The following SOS2 variants were observed in gnomAD, a reference collection of about 807,000 sequenced individuals.
SOS2 encodes SOS Ras/Rho guanine nucleotide exchange factor 2, also known as son of sevenless homolog 2.
In SOS2, 65 loss-of-function variants were observed where a neutral mutation model predicts 148.2. The ratio of observed to expected loss-of-function variants is 0.44; its 90% CI spans 0.36 to 0.54. The LOEUF (loss-of-function observed/expected upper bound fraction) is 0.54, where lower values mean the gene tolerates loss of function less well. Among genes scored for constraint, SOS2 ranks in the 20% least tolerant of loss-of-function variants. The pLI is 0.00. For missense variants in SOS2, 1,341 were observed against 1,590.2 expected (o/e 0.84, Z 2.67); for synonymous variants, 539 against 537.1 (o/e 1.00, Z -0.05).
intron 7 of SOS2, among the ~76,000 whole-genome samples, chr14:50,175,849 T>C (rs1019865193): frequency 6.6e-6 from 1 of 152,190 alleles, no homozygotes; most frequent in African/African-American, 2.4e-5. Context: ...TCATAAATAT[T>C]ACCATAATTT....
chr14:50,145,588 T>G lies in SOS2; in HGVS notation c.2393A>C (p.Gln798Pro), dbSNP rs762498394. The change falls in exon 15 of 23, where the codon CAA becomes CCA. Residue 798 changes from glutamine (Q) to proline (P), a missense_variant. Physicochemically the swap from Gln to Pro is moderately conservative, Grantham distance 76. This residue lies in a region of SOS2 where 408 missense variants were observed against 506.6 expected (regional missense o/e 0.81). Transcript: ENST00000216373. ...CACACTCCCTACAAGTTCAGACGGTTGAACTTTCCTATGGAATTGAAAATC... is the reference window on the plus strand; with the variant it reads ...CACACTCCCTACAAGTTCAGACGGTGGAACTTTCCTATGGAATTGAAAATC... The part of the protein sequence containing the change: ...LLESDLYRKV[Q>P]PSELVGSVWT... 6.3e-7 allele frequency: 1 copy of G among 1,591,776 alleles called. No individual in the cohort carries two copies. Among genetic ancestry groups the G allele is most frequent in the Admixed American group, 1.8e-5 (1 of 54,112 alleles).
At chr14:50,224,366 T>C (rs185115044) in intron 1 of SOS2, among the ~76,000 whole-genome samples, 1,219 of 117,856 alleles carry the variant, frequency 0.01, 22 homozygotes, top group African/African-American at 0.028. Context: ...CACACACACA[T>C]ATATATAAAT....
chr14:50,218,333 G>C (rs1887098964), intron 1 of SOS2, among the ~76,000 whole-genome samples: 2 of 151,256 alleles, frequency 1.3e-5, no homozygotes. Context: ...GATCAGCCTG[G>C]GCAACATGGC....
intron 5 of SOS2, among the ~76,000 whole-genome samples, chr14:50,184,911 G>A (rs1885860026): frequency 6.8e-6 from 1 of 147,578 alleles, no homozygotes; most frequent in African/African-American, 2.5e-5. Context: ...AGAGGCTAGA[G>A]ATCAAGCTCC....
At chr14:50,130,335 C>A (rs1883826878) in intron 20 of SOS2, among the ~76,000 whole-genome samples, 166 bp downstream of exon 20, 1 of 152,176 alleles carries the variant, frequency 6.6e-6, no homozygotes, top group Non-Finnish European at 1.5e-5. Context: ...CAACAATGCA[C>A]AAATTATGCT....
intron 19 of SOS2, among the ~76,000 whole-genome samples, chr14:50,131,848 T>C (rs908658216): frequency 6.6e-6 from 1 of 152,176 alleles, no homozygotes; most frequent in East Asian, 1.9e-4. Context: ...ATCATCAACA[T>C]CAATTTCTGA....
intron 8 of SOS2, among the ~76,000 whole-genome samples, chr14:50,172,796 T>C (rs1220607312): frequency 1.3e-5 from 2 of 152,148 alleles, no homozygotes; most frequent in Non-Finnish European, 1.5e-5. Context: ...CTTACACAAT[T>C]TCCCTTGATC....
Position 50,174,496 on chromosome 14 carries a change from C to A in SOS2, c.1026G>T (p.Leu342=). The A allele has an allele frequency of 6.2e-7, 1 of 1,609,682 alleles. No homozygotes were observed. Among genetic ancestry groups the A allele is most frequent in the Non-Finnish European group, 8.5e-7 (1 of 1,177,212 alleles). ...AGTGCCAACAGTGATACACTGGCAC[C>A]AGCATAAGACGTGGAAGGACATAAC... The part of the protein sequence containing the change: ...AVRYVLPRLM[L]VPVYHCWHYF... Residue 342 remains leucine, a synonymous_variant, in exon 8 of 23, where the codon CTG becomes CTT. Transcript: ENST00000216373.
chr14:50,231,133 G>T, intron 1 of SOS2, 64 bp downstream of exon 1: 1 of 1,030,860 alleles, frequency 9.7e-7, no homozygotes, highest in Non-Finnish European at 1.3e-6. Context: ...GGGACGACCT[G>T]CTCCCCGTTA....
rs753590435 is a variant in SOS2 at position 50,133,242 on chromosome 14, C to CTTTTTTT, written c.3075+880_3075+881insAAAAAAA. On this transcript the variant is annotated intron_variant, in intron 19 of 22. Coordinates refer to ENST00000216373, the MANE Select transcript of SOS2 (RefSeq NM_006939.4). The stretch of plus-strand genomic sequence containing the variant: ...TTTCCATGAACTTTTTTTCTTTTTT[C>CTTTTTTT]TTTTTTCTTTTTTTTTTTTTTTGAG... Among the ~76,000 whole-genome samples the CTTTTTTT allele has an allele frequency of 1.7e-3, 137 of 78,782 alleles. 8 individuals carry two copies. The highest frequency in any genetic ancestry group is 2.3e-3 in the East Asian group (5 of 2,168). 51.7% of individuals were successfully genotyped at this position (78,782 alleles called of 152,430 possible). A position where few individuals can be genotyped will look rare whatever the true frequency, so the allele number is the denominator to read the frequency against.
chr14:50,157,684 C>T (rs1225234201), intron 11 of SOS2, among the ~76,000 whole-genome samples: 2 of 152,062 alleles, frequency 1.3e-5, no homozygotes, highest in Non-Finnish European at 2.9e-5. Context: ...CTGACTCAGT[C>T]TGGTAAATTT....
In SOS2 at chr14:50,204,295, G is replaced by C. The variant is rs1382054541; in HGVS notation, c.202C>G (p.Gln68Glu). The change falls in exon 2 of 23, where the codon CAA becomes GAA. Residue 68 changes from glutamine (Q) to glutamate (E), a missense_variant. Coordinates refer to ENST00000216373, the MANE Select transcript of SOS2 (RefSeq NM_006939.4). ...KLCMAQPRTV[Q>E]DVEERVQKTF... Reference sequence around the variant, plus strand: ...AAAATAATTTTTACCTCTACATCTTGAACAGTCCTTGGCTGGGCCATGCAT... The same window carrying C: ...AAAATAATTTTTACCTCTACATCTTCAACAGTCCTTGGCTGGGCCATGCAT... 1.3e-6 allele frequency: 2 copies of C among 1,584,850 alleles called. No individual in the cohort carries two copies. Among genetic ancestry groups the C allele is most frequent in the East Asian group, 2.3e-5 (1 of 44,222 alleles).
chr14:50,120,548 T>A (rs1762072475), intron 21 of SOS2, among the ~76,000 whole-genome samples, 164 bp from the exon 22 acceptor site: 1 of 152,152 alleles, frequency 6.6e-6, no homozygotes, highest in Non-Finnish European at 1.5e-5. Context: ...GGAGTGTGTA[T>A]TTATTTCTGT....
intron 13 of SOS2, among the ~76,000 whole-genome samples, chr14:50,152,139 T>C (rs1884678798): frequency 6.6e-6 from 1 of 152,106 alleles, no homozygotes; most frequent in Non-Finnish European, 1.5e-5. Flanking sequence ...TAAATAATAT[T>C]CCCCTTAAAG....
intron 1 of SOS2, among the ~76,000 whole-genome samples, chr14:50,205,875 G>C (rs1018148243): frequency 1.4e-5 from 2 of 145,946 alleles, no homozygotes; most frequent in Non-Finnish European, 3.0e-5. Context: ...AGCAGAGATC[G>C]CACCACTGCA....
intron 4 of SOS2, among the ~76,000 whole-genome samples, chr14:50,196,206 T>C (rs1886305354): frequency 6.6e-6 from 1 of 152,218 alleles, no homozygotes; most frequent in African/African-American, 2.4e-5. Flanking sequence ...GTAAGATTTA[T>C]TGCACAGTAT....
intron 6 of SOS2, among the ~76,000 whole-genome samples, chr14:50,181,922 A>G (rs1472608879): frequency 2.0e-5 from 3 of 152,046 alleles, no homozygotes; most frequent in African/African-American, 7.2e-5. Context: ...CTTTAAGTTT[A>G]AAATCCATAG....
chr14:50,196,470 T>A (rs188652351), intron 4 of SOS2, among the ~76,000 whole-genome samples: 6 of 152,280 alleles, frequency 3.9e-5, no homozygotes, highest in Admixed American at 3.3e-4. Context: ...CAACAAATTA[T>A]CGTTGACTGT....
intron 7 of SOS2, among the ~76,000 whole-genome samples, chr14:50,179,520 C>G (rs1242494871): frequency 6.6e-6 from 1 of 152,008 alleles, no homozygotes; most frequent in East Asian, 1.9e-4. Context: ...TGCACGCCAC[C>G]ACACTCGGCT....
Sources: gnomAD v4.1 joint callset for allele counts (sites outside exome capture counted in the v4.1 genomes callset) on GRCh38, gnomAD v4.1.1 for gene constraint, gnomAD v4.1.1 regional missense constraint, MANE v1.5 for transcripts, NCBI Gene and HGNC (gene_info 2026-07-23, HGNC 2026-07-21) for gene names.